The following TAFA2 variants were observed in gnomAD, a reference collection of about 807,000 sequenced individuals.
The protein encoded by TAFA2 is TAFA chemokine like family member 2.
TAFA2 carries 7 observed loss-of-function variants against 18.8 expected under a neutral mutation model. The ratio of observed to expected loss-of-function variants is 0.37; its 90% CI spans 0.21 to 0.70. The LOEUF (loss-of-function observed/expected upper bound fraction) is 0.70, where lower values mean the gene tolerates loss of function less well. Among genes scored for constraint, TAFA2 ranks in the 30% least tolerant of loss-of-function variants. The pLI, the probability that TAFA2 is intolerant of heterozygous loss-of-function variation, is 0.53. For missense variants in TAFA2, 122 were observed against 158.1 expected, an observed-to-expected ratio of 0.77 and a Z score of 1.23; for synonymous variants, 60 against 54.2, an observed-to-expected ratio of 1.11 and a Z score of -0.47.
At chr12:62,221,470 G>C (rs1222634907) in intron 1 of TAFA2, among the ~76,000 whole-genome samples, 1 of 152,038 alleles carries the variant, frequency 6.6e-6, no homozygotes, top group Non-Finnish European at 1.5e-5. Context: ...TTAGTTCAGG[G>C]AAACTAATAG....
chr12:62,174,419 C>G (rs2062498971), intron 1 of TAFA2, among the ~76,000 whole-genome samples: 1 of 151,998 alleles, frequency 6.6e-6, no homozygotes, highest in South Asian at 2.1e-4. Context: ...GAGGAGCCAG[C>G]AAGGAGGCTT....
intron 1 of TAFA2, among the ~76,000 whole-genome samples, chr12:61,978,995 GA>G (rs1364340069): frequency 6.6e-6 from 1 of 152,150 alleles, no homozygotes; most frequent in Admixed American, 6.6e-5. Context: ...CAGTAACCAG[GA>G]AACTGTGTGA....
chr12:62,156,464 G>T lies in TAFA2; in HGVS notation c.-2+34795C>A, dbSNP rs375602736. Among the ~76,000 whole-genome samples the T allele has an allele frequency of 5.4e-4, 82 of 152,130 alleles. 1 individual carries two copies. In the East Asian group the frequency reaches 0.015, roughly 28 times the overall value. ...TACTAGGTATCTACCCAGAGGAAAAGAAATTACTATATGAAAAAGATACTT... is the reference window on the plus strand; with the variant it reads ...TACTAGGTATCTACCCAGAGGAAAATAAATTACTATATGAAAAAGATACTT... On this transcript the variant is annotated intron_variant, in intron 1 of 4. Transcript: ENST00000416284.
intron 1 of TAFA2, among the ~76,000 whole-genome samples, chr12:61,916,120 G>C (rs940629292): frequency 3.9e-5 from 6 of 152,188 alleles, no homozygotes; most frequent in Admixed American, 1.3e-4. Flanking sequence ...CTTTGTCACT[G>C]AGGTCATTAT....
At chr12:61,938,099 G>A (rs1041535305) in intron 1 of TAFA2, among the ~76,000 whole-genome samples, 2 of 152,006 alleles carry the variant, frequency 1.3e-5, no homozygotes, top group Non-Finnish European at 2.9e-5. Flanking sequence ...AAACCACAGT[G>A]AGATACCACC....
rs181045787 is a variant in TAFA2, at chr12:62,250,950, C to T, written c.-130+7813G>A. ...TAATCCTCAGAGAGCAGCTGAGTCT[C>T]GCCAAGACCAGCCAATCTCCAGCTA... On this transcript the variant is annotated intron_variant, in intron 1 of 5. Coordinates refer to the TAFA2 transcript ENST00000551619. Among the ~76,000 whole-genome samples the T allele has an allele frequency of 4.8e-4, 64 of 132,666 alleles. 1 individual carries two copies. The highest frequency in any genetic ancestry group is 4.1e-4 in the Non-Finnish European group (22 of 54,270). 87.0% of individuals were successfully genotyped at this position (132,666 alleles called of 152,430 possible). A position where few individuals can be genotyped will look rare whatever the true frequency, so the allele number is the denominator to read the frequency against.
intron 2 of TAFA2, among the ~76,000 whole-genome samples, chr12:61,854,257 T>A (rs1438249106): frequency 1.3e-5 from 2 of 151,818 alleles, no homozygotes; most frequent in Admixed American, 1.3e-4. Flanking sequence ...AAAAGTACAA[T>A]AAGAAGATAC....
chr12:61,906,038 G>C (rs1222809647), intron 1 of TAFA2, among the ~76,000 whole-genome samples: 1 of 152,126 alleles, frequency 6.6e-6, no homozygotes, highest in African/African-American at 2.4e-5. Context: ...AGTAACTTCA[G>C]AGACATGAAA....
At chr12:62,247,399 A>G (rs1019904973) in intron 1 of TAFA2, among the ~76,000 whole-genome samples, 1 of 152,242 alleles carries the variant, frequency 6.6e-6, no homozygotes, top group African/African-American at 2.4e-5. Context: ...ACTCTCATTC[A>G]ACTTCTCTCA....
intron 1 of TAFA2, among the ~76,000 whole-genome samples, chr12:61,953,110 G>A (rs1044213964): frequency 1.3e-5 from 2 of 151,840 alleles, no homozygotes; most frequent in African/African-American, 2.4e-5. Flanking sequence ...GAATCAATAC[G>A]TTCTTCTTGA....
At chr12:62,204,577 T>C (rs565614234) in intron 1 of TAFA2, among the ~76,000 whole-genome samples, 5 of 152,202 alleles carry the variant, frequency 3.3e-5, no homozygotes, top group Non-Finnish European at 5.9e-5. Context: ...TTCCACAAGA[T>C]AGTCTTTAAG....
At chr12:61,944,327 C>A (rs1168655566) in intron 1 of TAFA2, among the ~76,000 whole-genome samples, 1 of 150,820 alleles carries the variant, frequency 6.6e-6, no homozygotes, top group East Asian at 1.9e-4. Flanking sequence ...AAATTTATAG[C>A]ACTAAATGCT....
chr12:62,014,378 C>T (rs536644283), intron 1 of TAFA2, among the ~76,000 whole-genome samples: 3 of 152,232 alleles, frequency 2.0e-5, no homozygotes, highest in South Asian at 2.1e-4. Flanking sequence ...CCTGTAATCC[C>T]GGTACTTTGG....
chr12:61,776,048 A>G (rs1355450737), intron 2 of TAFA2: 2 of 397,394 alleles, frequency 5.0e-6, no homozygotes, highest in African/African-American at 2.1e-5. Flanking sequence ...TTGTAGACAT[A>G]AGGGAATGGG....
intron 1 of TAFA2, among the ~76,000 whole-genome samples, chr12:62,112,696 T>G (rs1014273526): frequency 6.6e-6 from 1 of 152,144 alleles, no homozygotes; most frequent in African/African-American, 2.4e-5. Context: ...CATTCTTTTT[T>G]CTCTAATCTC....
chr12:62,045,469 G>A (rs1189079692), intron 1 of TAFA2, among the ~76,000 whole-genome samples: 3 of 152,164 alleles, frequency 2.0e-5, no homozygotes, highest in Non-Finnish European at 4.4e-5. Context: ...CTCCCTGGGG[G>A]AGATGTTACC....
chr12:62,129,671 G>A lies in TAFA2; in HGVS notation c.-2+61588C>T, dbSNP rs112065134. 2.4e-3 allele frequency among the ~76,000 whole-genome samples: 361 copies of A among 152,056 alleles called. 2 individuals carry two copies. Among genetic ancestry groups the A allele is most frequent in the African/African-American group, 7.9e-3 (326 of 41,516 alleles). The stretch of plus-strand genomic sequence containing the variant: ...TGCAGGGTAGGGTCTCTCAAATTCA[G>A]AACTACTGACATTTTGGACCAGATA... On this transcript the variant is annotated intron_variant, in intron 1 of 4. Transcript: ENST00000416284.
chr12:61,884,484 T>C (rs1479989124), intron 1 of TAFA2, among the ~76,000 whole-genome samples: 1 of 152,214 alleles, frequency 6.6e-6, no homozygotes, highest in East Asian at 1.9e-4. Context: ...TGATTATTTG[T>C]AGTCGCTCTT....
At chr12:62,166,162 T>C (rs2136935567) in intron 1 of TAFA2, among the ~76,000 whole-genome samples, 1 of 152,256 alleles carries the variant, frequency 6.6e-6, no homozygotes, top group Admixed American at 6.5e-5. Context: ...CTTTTATGTA[T>C]TTCTTATTCT....
Sources: allele counts gnomAD v4.1 joint callset (sites outside exome capture counted in the v4.1 genomes callset), GRCh38; gene constraint gnomAD v4.1.1; transcripts MANE v1.5; gene names NCBI Gene and HGNC (gene_info 2026-07-23, HGNC 2026-07-21).